Variants in GRIA4 observed in about 807,000 individuals in gnomAD.
GRIA4 encodes the protein glutamate ionotropic receptor AMPA type subunit 4.
GRIA4 carries 34 observed loss-of-function variants against 104.0 expected under a neutral mutation model. That is an observed-to-expected ratio of 0.33 (90% CI 0.25 to 0.44). The LOEUF (loss-of-function observed/expected upper bound fraction) is 0.44. Ranked by LOEUF, GRIA4 falls within the 20% of genes least tolerant of loss-of-function variation. The probability of loss-of-function intolerance (pLI) is 1.00; values close to 1 mark genes in which losing one functional copy is unlikely to be tolerated. For synonymous variants in GRIA4, 386 were observed against 381.9 expected, an observed-to-expected ratio of 1.01 and a Z score of -0.13; for missense variants, 750 against 1,096.5, an observed-to-expected ratio of 0.68 and a Z score of 4.46.
intron 4 of GRIA4, among the ~76,000 whole-genome samples, chr11:105,824,321 T>C (rs1943687893): frequency 6.6e-6 from 1 of 152,052 alleles, no homozygotes; most frequent in African/African-American, 2.4e-5. Flanking sequence ...TTTCTTATGG[T>C]GTATACTTCT....
chr11:105,914,009 C>T (rs1947330318), intron 10 of GRIA4, among the ~76,000 whole-genome samples: 1 of 151,656 alleles, frequency 6.6e-6, no homozygotes, highest in Non-Finnish European at 1.5e-5. Context: ...ATGCACTATA[C>T]ATATATATGT....
At chr11:105,846,908 A>G (rs1306874588) in intron 4 of GRIA4, among the ~76,000 whole-genome samples, 1 of 152,228 alleles carries the variant, frequency 6.6e-6, no homozygotes, top group African/African-American at 2.4e-5. Flanking sequence ...ATTACTGTAT[A>G]CCTTGTAACC....
At chr11:105,853,449 CCTCT>C (rs1041422110) in intron 4 of GRIA4, among the ~76,000 whole-genome samples, 8 of 152,130 alleles carry the variant, frequency 5.3e-5, no homozygotes, top group African/African-American at 1.9e-4. Flanking sequence ...CAACTCATGA[CCTCT>C]CTCTGCCATT....
At chr11:105,848,378 A>G (rs1190794609) in intron 4 of GRIA4, among the ~76,000 whole-genome samples, 1 of 152,218 alleles carries the variant, frequency 6.6e-6, no homozygotes, top group African/African-American at 2.4e-5. Context: ...GTACCTTCCT[A>G]ATTTTTGGCA....
At chr11:105,861,943 G>A (rs1480212314) in intron 4 of GRIA4, 81 bp from the exon 5 acceptor site, 2 of 801,396 alleles carry the variant, frequency 2.5e-6, no homozygotes, top group African/African-American at 1.7e-5. Flanking sequence ...ACATAACAGT[G>A]TTGATATAGG....
intron 3 of GRIA4, among the ~76,000 whole-genome samples, chr11:105,624,342 G>A (rs912949100): frequency 3.3e-5 from 5 of 152,116 alleles, no homozygotes; most frequent in Non-Finnish European, 7.4e-5. Flanking sequence ...CACTTTCAAA[G>A]TAGGAGAAAG....
At chr11:105,744,674 C>G (rs921301915) in intron 3 of GRIA4, among the ~76,000 whole-genome samples, 12 of 152,150 alleles carry the variant, frequency 7.9e-5, no homozygotes, top group Non-Finnish European at 1.6e-4. Context: ...GCAAGATGTA[C>G]TATAAAAACC....
At position 105,611,054 on chromosome 11, in the gene GRIA4, C is replaced by T. The variant is rs1435824360; in HGVS notation, c.57C>T (p.Ala19=). 21 of 1,613,578 alleles carry T rather than the reference C, an allele frequency of 1.3e-5. No homozygotes were observed. The highest frequency in any genetic ancestry group is 2.2e-5 in the South Asian group (2 of 91,058). The change falls in exon 2 of 17, where the codon GCC becomes GCT. Residue 19 remains alanine (A), a synonymous_variant. Transcript: ENST00000282499. ...TATTTTCTGGATTTTGGGGACTCGC[C>T]ATGGGAGCCTTTCCGAGCAGCGTGC... The part of the protein sequence containing the change: ...VLLFSGFWGL[A]MGAFPSSVQI...
rs1943830937 is a variant in GRIA4 at position 105,827,829 on chromosome 11, T to G, written c.488-34195T>G. Among the ~76,000 whole-genome samples the G allele has an allele frequency of 2.0e-5, 3 of 152,186 alleles. No homozygotes were observed. The South Asian group carries it at 6.2e-4, about 31-fold the overall frequency. ...TATAAATATTTTTAAATCAACAACT[T>G]CTGGTTAAGTCAATAGACTATCAAC... On this transcript the variant is annotated intron_variant, in intron 4 of 16. Coordinates refer to ENST00000282499, the MANE Select transcript of GRIA4 (RefSeq NM_000829.4).
intron 4 of GRIA4, among the ~76,000 whole-genome samples, chr11:105,820,900 CA>C (rs1191752245): frequency 6.6e-6 from 1 of 152,064 alleles, no homozygotes; most frequent in African/African-American, 2.4e-5. Flanking sequence ...TCTTATTTTC[CA>C]AACCAAAAAT....
At chr11:105,802,422 C>A (rs1055882854) in intron 4 of GRIA4, among the ~76,000 whole-genome samples, 4 of 152,016 alleles carry the variant, frequency 2.6e-5, no homozygotes, top group Non-Finnish European at 5.9e-5. Context: ...CAAATAAAAT[C>A]CAAACACTTG....
chr11:105,828,001 GA>G (rs1943838560), intron 4 of GRIA4, among the ~76,000 whole-genome samples: 1 of 151,938 alleles, frequency 6.6e-6, no homozygotes, highest in Middle Eastern at 3.2e-3. Context: ...GCTTTGTTAA[GA>G]TACTATCAGT....
chr11:105,849,339 G>A (rs1055006283), intron 4 of GRIA4, among the ~76,000 whole-genome samples: 1 of 152,186 alleles, frequency 6.6e-6, no homozygotes, highest in Non-Finnish European at 1.5e-5. Context: ...CCAATACAGA[G>A]CAAGGTCAGG....
intron 4 of GRIA4, among the ~76,000 whole-genome samples, chr11:105,770,795 G>A (rs983908963): frequency 2.0e-5 from 3 of 151,818 alleles, no homozygotes; most frequent in African/African-American, 7.3e-5. Context: ...AATTCTCTAT[G>A]GATTAGCCTA....
At chr11:105,803,760 T>A (rs976029926) in intron 4 of GRIA4, among the ~76,000 whole-genome samples, 1 of 149,578 alleles carries the variant, frequency 6.7e-6, no homozygotes, top group Non-Finnish European at 1.5e-5. Context: ...CTCAAAAATG[T>A]AGGAAAGGTG....
At chr11:105,738,319 T>A (rs1939083875) in intron 3 of GRIA4, among the ~76,000 whole-genome samples, 1 of 152,168 alleles carries the variant, frequency 6.6e-6, no homozygotes, top group Admixed American at 6.6e-5. Context: ...TTTGCCTCCA[T>A]TCACTAGGTT....
chr11:105,889,152 T>A (rs548211611), intron 6 of GRIA4, among the ~76,000 whole-genome samples: 7 of 152,296 alleles, frequency 4.6e-5, no homozygotes, highest in Admixed American at 3.9e-4. Context: ...AATGAGTTGC[T>A]GACATTGGCA....
intron 3 of GRIA4, among the ~76,000 whole-genome samples, chr11:105,621,700 A>G (rs1362901060): frequency 1.3e-5 from 2 of 151,810 alleles, no homozygotes; most frequent in Admixed American, 1.3e-4. Context: ...TACCTGAGTG[A>G]CTATTCCTGC....
At chr11:105,732,934 T>C (rs1244532226) in intron 3 of GRIA4, among the ~76,000 whole-genome samples, 1 of 152,206 alleles carries the variant, frequency 6.6e-6, no homozygotes, top group African/African-American at 2.4e-5. Context: ...CACTTTGCAG[T>C]TTATACATTC....
Sources: gnomAD v4.1 joint callset for allele counts (sites outside exome capture counted in the v4.1 genomes callset) on GRCh38, gnomAD v4.1.1 for gene constraint, MANE v1.5 for transcripts, NCBI Gene and HGNC (gene_info 2026-07-23, HGNC 2026-07-21) for gene names.